NINJ2: variants seen among roughly 807,000 people sequenced by gnomAD.
NINJ2 encodes the protein ninjurin-2.
A neutral mutation model predicts 11.7 loss-of-function variants in NINJ2; 12 were observed. The observed-to-expected ratio is 1.02, with a 90% CI of 0.66 to 1.66. NINJ2 has a LOEUF of 1.66. Among genes scored for constraint, NINJ2 ranks in the 40% most tolerant of loss-of-function variants. The pLI is 0.00. For synonymous variants in NINJ2, 93 were observed against 76.8 expected, an observed-to-expected ratio of 1.21 and a Z score of -1.10; for missense variants, 187 against 181.8, an observed-to-expected ratio of 1.03 and a Z score of -0.16.
At chr12:606,537 A>T (rs1220948357) in intron 1 of NINJ2, among the ~76,000 whole-genome samples, 1 of 152,112 alleles carries the variant, frequency 6.6e-6, no homozygotes, top group East Asian at 1.9e-4. Context: ...ATGAGGAACA[A>T]CTCACCCCAA....
Position 565,393 on chromosome 12 carries a change from T to G in NINJ2, c.271A>C (p.Asn91His), listed in dbSNP as rs761720419. ...GVLLVVIARL[N>H]LNEVEKQWRL... ...CACTGCTTTTCTACCTCATTCAGGT[T>G]CAGCCGTGCTGCAGGGAAGTGGAGT... The change falls in exon 3 of 4, where the codon AAC (asparagine) becomes CAC (histidine). Residue 91 changes from asparagine to histidine, a missense_variant. Physicochemically the swap from Asn to His is moderately conservative, Grantham distance 68 (BLOSUM62 1). Coordinates refer to ENST00000305108, the MANE Select transcript of NINJ2 (RefSeq NM_016533.6). 6.2e-7 allele frequency: 1 copy of G among 1,614,066 alleles called. No individual in the cohort carries two copies. The highest frequency in any genetic ancestry group is 8.5e-7 in the Non-Finnish European group (1 of 1,180,000).
intron 1 of NINJ2, among the ~76,000 whole-genome samples, chr12:654,521 CAAAAA>C (rs72488352): frequency 3.0e-5 from 3 of 98,600 alleles, no homozygotes; most frequent in Admixed American, 2.1e-4. Flanking sequence ...AACTCCGTCT[CAAAAA>C]AAAAAAAAAA....
chr12:592,227 C>T (rs1466841321), intron 1 of NINJ2, among the ~76,000 whole-genome samples: 2 of 151,976 alleles, frequency 1.3e-5, no homozygotes, highest in Admixed American at 1.3e-4. Context: ...TGGGCTGCTG[C>T]GACAACAGTA....
At chr12:579,115 A>G (rs762170056) in intron 1 of NINJ2, among the ~76,000 whole-genome samples, 44 of 152,234 alleles carry the variant, frequency 2.9e-4, no homozygotes, top group Non-Finnish European at 5.9e-4. Context: ...ACTAGATTAT[A>G]CATTTCCAAA....
intron 1 of NINJ2, chr12:644,754 C>T (rs907328076): frequency 2.6e-5 from 4 of 152,080 alleles, no homozygotes; most frequent in East Asian, 1.9e-4. Context: ...ATTCAAATCA[C>T]GAATTGTTTC....
Position 619,526 on chromosome 12 carries a change from G to A in NINJ2, c.33+43802C>T, listed in dbSNP as rs1419030177. ...TTCTAACCTCCTTTGTACACAGGCT[G>A]TGAGCTAGAATTAGAATGTAAAGAA... On this transcript the variant is annotated intron_variant, in intron 1 of 3. Coordinates refer to ENST00000305108, the MANE Select transcript of NINJ2 (RefSeq NM_016533.6). Among the ~76,000 whole-genome samples the A allele has an allele frequency of 3.9e-5, 6 of 152,180 alleles. No homozygotes were observed. In the East Asian group the frequency reaches 1.2e-3, roughly 29 times the overall value.
At chr12:611,685 C>A (rs1009679120) in intron 1 of NINJ2, among the ~76,000 whole-genome samples, 1 of 152,246 alleles carries the variant, frequency 6.6e-6, no homozygotes, top group Non-Finnish European at 1.5e-5. Flanking sequence ...TTTTAGAAAT[C>A]ATTTAGTCTA....
At chr12:610,368 C>T in intron 1 of NINJ2, 1 of 1,535,528 alleles carries the variant, frequency 6.5e-7, no homozygotes, top group African/African-American at 1.4e-5. Flanking sequence ...GACTCAGATC[C>T]CATTTGCTGA....
chr12:655,952 AATAG>A (rs570898554), intron 1 of NINJ2, among the ~76,000 whole-genome samples: 201 of 152,118 alleles, frequency 1.3e-3, no homozygotes, highest in African/African-American at 3.8e-3. Context: ...ATATAAAATA[AATAG>A]ATAGATAGAT....
chr12:583,941 T>C (rs894889204), intron 1 of NINJ2, among the ~76,000 whole-genome samples: 1 of 152,228 alleles, frequency 6.6e-6, no homozygotes, highest in African/African-American at 2.4e-5. Context: ...CTTAGATCAA[T>C]CTGATAGGGT....
intron 1 of NINJ2, among the ~76,000 whole-genome samples, chr12:627,875 C>T (rs1016085514): frequency 6.6e-6 from 1 of 152,196 alleles, no homozygotes; most frequent in Non-Finnish European, 1.5e-5. Context: ...GTGGAGGTTG[C>T]AGTGAGCTGA....
At position 613,627 on chromosome 12, in the gene NINJ2, C is replaced by T. The variant is rs572838957; in HGVS notation, c.34-47449G>A. ...CTGTCTCAAAAATAAATAAATAGGC[C>T]GGGCGCGGTGGCTCACGCCTGTAAT... On this transcript the variant is annotated intron_variant, in intron 1 of 3. Coordinates refer to ENST00000305108, the MANE Select transcript of NINJ2 (RefSeq NM_016533.6). Among the ~76,000 whole-genome samples, 91 of 149,808 alleles carry T rather than the reference C, an allele frequency of 6.1e-4. 1 individual carries two copies. In the South Asian group the frequency reaches 0.016, roughly 26 times the overall value.
At chr12:643,410 G>C (rs1032190138) in intron 1 of NINJ2, 1 of 984,202 alleles carries the variant, frequency 1.0e-6, no homozygotes, top group Non-Finnish European at 1.2e-6. Flanking sequence ...GCCAGCCCTC[G>C]GGCCTACATC....
At chr12:647,503 T>A (rs572314792) in intron 1 of NINJ2, among the ~76,000 whole-genome samples, 14 of 152,114 alleles carry the variant, frequency 9.2e-5, no homozygotes, top group African/African-American at 3.1e-4. Flanking sequence ...AGAACCTTTG[T>A]CTTCTTAGAA....
At chr12:578,936 G>T (rs1440852062) in intron 1 of NINJ2, among the ~76,000 whole-genome samples, 1 of 152,190 alleles carries the variant, frequency 6.6e-6, no homozygotes, top group East Asian at 1.9e-4. Context: ...TCCTCACTCA[G>T]AAGCACTGAG....
chr12:629,897 ATAT>A (rs1449391284), intron 1 of NINJ2, among the ~76,000 whole-genome samples: 4 of 20,300 alleles, frequency 2.0e-4, no homozygotes, highest in African/African-American at 3.2e-4. Context: ...AAAAAAAAAA[ATAT>A]ATATATATAT....
chr12:622,843 C>G (rs1213537012), intron 1 of NINJ2, among the ~76,000 whole-genome samples: 1 of 151,728 alleles, frequency 6.6e-6, no homozygotes, highest in Non-Finnish European at 1.5e-5. Context: ...GCAGGTTCAT[C>G]GCCTCCTGAG....
chr12:655,574 A>T (rs116481553), intron 1 of NINJ2, among the ~76,000 whole-genome samples: 1 of 152,228 alleles, frequency 6.6e-6, no homozygotes, highest in Non-Finnish European at 1.5e-5. Context: ...TACAATATCT[A>T]TTATGAGGAA....
intron 1 of NINJ2, 137 bp from the exon 2 acceptor site, chr12:566,315 A>G (rs558109793): frequency 1.6e-5 from 11 of 668,086 alleles, no homozygotes; most frequent in Non-Finnish European, 2.6e-6. Flanking sequence ...CCTTAGTTTC[A>G]TGGCCTGATA....
Sources: allele counts gnomAD v4.1 joint callset (sites outside exome capture counted in the v4.1 genomes callset), GRCh38; gene constraint gnomAD v4.1.1; transcripts MANE v1.5; gene names NCBI Gene and HGNC (gene_info 2026-07-23, HGNC 2026-07-21).